Variants in LRMDA observed in about 807,000 individuals in gnomAD.
LRMDA encodes the protein leucine-rich melanocyte differentiation-associated protein.
In LRMDA, 18 loss-of-function variants were observed where a neutral mutation model predicts 29.8. That is an observed-to-expected ratio of 0.60 (90% CI 0.42 to 0.90). LRMDA has a LOEUF of 0.90. LRMDA is among the 40% of genes least tolerant of loss of function. The probability of loss-of-function intolerance (pLI) is 0.00; values close to 1 mark genes in which losing one functional copy is unlikely to be tolerated. For synonymous variants in LRMDA, 125 were observed against 109.4 expected, an observed-to-expected ratio of 1.14 and a Z score of -0.89; for missense variants, 273 against 273.9, an observed-to-expected ratio of 1.00 and a Z score of 0.02.
chr10:75,446,178 T>C (rs1844393178), intron 2 of LRMDA, among the ~76,000 whole-genome samples: 1 of 152,226 alleles, frequency 6.6e-6, no homozygotes, highest in African/African-American at 2.4e-5. Flanking sequence ...GTTGGGAAGA[T>C]GGGCAGTGTA....
At chr10:75,532,750 GA>G (rs1459077272) in intron 2 of LRMDA, among the ~76,000 whole-genome samples, 2 of 152,068 alleles carry the variant, frequency 1.3e-5, no homozygotes, top group African/African-American at 4.8e-5. Flanking sequence ...CACTTTGTTA[GA>G]AATGTCGATT....
chr10:76,513,148 G>A (rs2132353644), intron 6 of LRMDA, among the ~76,000 whole-genome samples: 1 of 152,248 alleles, frequency 6.6e-6, no homozygotes, highest in East Asian at 1.9e-4. Context: ...ATGCAAAATA[G>A]AGGACAGTTT....
At chr10:75,501,830 A>G (rs979217784) in intron 2 of LRMDA, among the ~76,000 whole-genome samples, 4 of 151,870 alleles carry the variant, frequency 2.6e-5, no homozygotes, top group Non-Finnish European at 5.9e-5. Context: ...TGCTTTCTTT[A>G]TTTTTTCTTT....
At chr10:76,064,498 A>G (rs781011915) in intron 5 of LRMDA, among the ~76,000 whole-genome samples, 9 of 152,096 alleles carry the variant, frequency 5.9e-5, no homozygotes, top group Non-Finnish European at 1.2e-4. Flanking sequence ...CCGCTATTGT[A>G]TTTTTTGTCT....
chr10:76,356,040 A>T (rs552634230), intron 6 of LRMDA, among the ~76,000 whole-genome samples: 1 of 152,342 alleles, frequency 6.6e-6, no homozygotes, highest in African/African-American at 2.4e-5. Flanking sequence ...GGCTACACCC[A>T]GATATATTGG....
chr10:76,019,694 T>C (rs1847938139), intron 2 of LRMDA, among the ~76,000 whole-genome samples: 2 of 152,174 alleles, frequency 1.3e-5, no homozygotes, highest in African/African-American at 4.8e-5. Context: ...TTGTTTTTTG[T>C]TTTCTAGTAC....
intron 5 of LRMDA, among the ~76,000 whole-genome samples, chr10:76,175,829 G>A (rs1037493281): frequency 2.6e-5 from 4 of 152,204 alleles, no homozygotes; most frequent in African/African-American, 9.6e-5. Context: ...TTCCTGAATG[G>A]TGATGGGATG....
chr10:75,958,812 C>T (rs1285474144), intron 2 of LRMDA, among the ~76,000 whole-genome samples: 1 of 152,168 alleles, frequency 6.6e-6, no homozygotes, highest in Non-Finnish European at 1.5e-5. Context: ...CACAGTTCCA[C>T]ATGGCTGGGG....
chr10:75,611,279 G>A (rs573311032), intron 2 of LRMDA, among the ~76,000 whole-genome samples: 1 of 152,244 alleles, frequency 6.6e-6, no homozygotes, highest in East Asian at 1.9e-4. Flanking sequence ...TTGTAAAGTC[G>A]ATCTGTGAGC....
At chr10:75,854,874 A>G (rs566081136) in intron 2 of LRMDA, among the ~76,000 whole-genome samples, 17 of 152,284 alleles carry the variant, frequency 1.1e-4, no homozygotes, top group Admixed American at 3.9e-4. Flanking sequence ...AGCTTCATCC[A>G]TGTCCCTAAA....
intron 2 of LRMDA, among the ~76,000 whole-genome samples, chr10:75,923,868 G>A (rs150120397): frequency 2.1e-3 from 320 of 152,028 alleles, no homozygotes; most frequent in Non-Finnish European, 2.8e-3. Flanking sequence ...GACTCACTAC[G>A]GCCTAGGACC....
intron 2 of LRMDA, among the ~76,000 whole-genome samples, chr10:75,531,226 C>T (rs1242350717): frequency 3.3e-5 from 5 of 151,998 alleles, no homozygotes; most frequent in East Asian, 1.9e-4. Flanking sequence ...TACAGCAGGA[C>T]GAGTGCTGAA....
intron 2 of LRMDA, among the ~76,000 whole-genome samples, chr10:75,922,973 A>C (rs1451578325): frequency 1.3e-5 from 2 of 152,128 alleles, no homozygotes; most frequent in African/African-American, 4.8e-5. Flanking sequence ...TCTCATTTAG[A>C]CTTTAAAGTC....
chr10:75,809,980 G>T (rs972998026), intron 2 of LRMDA, among the ~76,000 whole-genome samples: 2 of 152,190 alleles, frequency 1.3e-5, no homozygotes, highest in Admixed American at 1.3e-4. Context: ...AGGGGGCCTT[G>T]TGTGGCTATG....
intron 2 of LRMDA, among the ~76,000 whole-genome samples, chr10:75,455,206 A>G (rs1280219045): frequency 6.6e-6 from 1 of 152,206 alleles, no homozygotes; most frequent in Non-Finnish European, 1.5e-5. Flanking sequence ...ACTGCCCAGA[A>G]TAGCGTGATT....
chr10:75,638,164 T>A (rs981299522), intron 2 of LRMDA, among the ~76,000 whole-genome samples: 1 of 152,196 alleles, frequency 6.6e-6, no homozygotes, highest in Non-Finnish European at 1.5e-5. Context: ...GGTGGAAAGC[T>A]TGAATCCCAA....
At chr10:76,426,372 A>G (rs1319851377) in intron 6 of LRMDA, among the ~76,000 whole-genome samples, 5 of 152,084 alleles carry the variant, frequency 3.3e-5, no homozygotes, top group Admixed American at 3.3e-4. Context: ...GCATTTTTTC[A>G]TGTGTCTGTT....
chr10:76,133,668 T>G (rs1850040717), intron 5 of LRMDA, among the ~76,000 whole-genome samples: 1 of 152,220 alleles, frequency 6.6e-6, no homozygotes, highest in Non-Finnish European at 1.5e-5. Context: ...TCTTCCCTCC[T>G]CTCACCTGAT....
At chr10:76,124,766 G>A (rs867302699) in intron 5 of LRMDA, among the ~76,000 whole-genome samples, 20 of 152,318 alleles carry the variant, frequency 1.3e-4, no homozygotes, top group Middle Eastern at 6.8e-3. Flanking sequence ...AGAAGGACTC[G>A]CTTTTGGGGC....
Sources: allele counts gnomAD v4.1 joint callset (sites outside exome capture counted in the v4.1 genomes callset), GRCh38; gene constraint gnomAD v4.1.1; transcripts MANE v1.5; gene names NCBI Gene and HGNC (gene_info 2026-07-23, HGNC 2026-07-21).